TMED5: variants seen among roughly 807,000 people sequenced by gnomAD.
The protein encoded by TMED5 is transmembrane emp24 domain-containing protein 5.
A neutral mutation model predicts 23.0 loss-of-function variants in TMED5; 27 were observed. That is an observed-to-expected ratio of 1.17 (90% confidence interval 0.86 to 1.62). The LOEUF is 1.62. Among genes scored for constraint, TMED5 ranks in the 40% most tolerant of loss-of-function variants. The probability of loss-of-function intolerance (pLI) is 0.00; values close to 1 mark genes in which losing one functional copy is unlikely to be tolerated. For synonymous variants in TMED5, 97 were observed against 100.8 expected, an observed-to-expected ratio of 0.96 and a Z score of 0.23; for missense variants, 248 against 273.7, an observed-to-expected ratio of 0.91 and a Z score of 0.66.
At position 93,150,787 on chromosome 1, in the gene TMED5, A is replaced by G. The variant is rs558413725; in HGVS notation, c.*3883T>C. 1 of 152,274 alleles carries G rather than the reference A, an allele frequency of 6.6e-6. No homozygotes were observed. Among genetic ancestry groups the G allele is most frequent in the South Asian group, 2.1e-4 (1 of 4,822 alleles). 9.4% of individuals were successfully genotyped at this position (152,274 alleles called of 1,614,324 possible). A position where few individuals can be genotyped will look rare whatever the true frequency, so the allele number is the denominator to read the frequency against. ...CATTTGATCATTATTGCCACTTAAC[A>G]CTTCCAGGATTAGGGAGTAGTATCT... On this transcript the variant is annotated 3_prime_UTR_variant, in exon 4 of 4. Coordinates refer to ENST00000370282, the MANE Select transcript of TMED5 (RefSeq NM_016040.5).
chr1:93,176,524 C>CAT (rs1648919805), intron 1 of TMED5, among the ~76,000 whole-genome samples: 1 of 151,832 alleles, frequency 6.6e-6, no homozygotes, highest in South Asian at 2.1e-4. Context: ...CACACACACA[C>CAT]ACAAACATAT....
At chr1:93,177,715 A>G (rs553948228) in intron 1 of TMED5, among the ~76,000 whole-genome samples, 1 of 151,974 alleles carries the variant, frequency 6.6e-6, no homozygotes, top group South Asian at 2.1e-4. Context: ...TTCATTGATT[A>G]TTTACTATGT....
rs140287988 is a variant in TMED5, at chr1:93,180,072, C to T, written c.171G>A (p.Ser57=). The T allele has an allele frequency of 3.5e-5, 56 of 1,612,970 alleles. No homozygotes were observed. In the Admixed American group the frequency reaches 9.0e-4, roughly 26 times the overall value. Reference sequence around the variant, plus strand: ...CACTTACTTGGTACTCGATCTCCAGCGAGGCCTTCAGGGGCATGGGCTGGT... The same window carrying T: ...CACTTACTTGGTACTCGATCTCCAGTGAGGCCTTCAGGGGCATGGGCTGGT... ...CFYQPMPLKA[S]LEIEYQVLDG... The change falls in exon 1 of 4, where the codon TCG becomes TCA. Residue 57 remains serine (S), a synonymous_variant. Coordinates refer to ENST00000370282, the MANE Select transcript of TMED5 (RefSeq NM_016040.5).
chr1:93,170,428 C>G (rs986664432), intron 1 of TMED5, among the ~76,000 whole-genome samples: 1 of 152,186 alleles, frequency 6.6e-6, no homozygotes, highest in African/African-American at 2.4e-5. Flanking sequence ...CTGCTGTGCT[C>G]GATTTCTCGC....
intron 1 of TMED5, among the ~76,000 whole-genome samples, chr1:93,163,981 C>CAAA (rs564350861): frequency 3.5e-5 from 2 of 56,486 alleles, no homozygotes; most frequent in Non-Finnish European, 7.2e-5. Flanking sequence ...GACTCCATCT[C>CAAA]AAAAAAAAAA....
chr1:93,158,589 T>TC lies in TMED5; in HGVS notation c.287+1539_287+1540insG, dbSNP rs1440547855. 2.8e-3 allele frequency among the ~76,000 whole-genome samples: 425 copies of TC among 151,842 alleles called. 3 individuals carry two copies. Among genetic ancestry groups the TC allele is most frequent in the Non-Finnish European group, 2.9e-3 (199 of 67,894 alleles). ...AACTACATTTTTAGTTTTGTTTTTT[T>TC]TTTTGAGATGGAGTCTCTGTCGCCA... On this transcript the variant is annotated intron_variant, in intron 2 of 3. Coordinates refer to ENST00000370282, the MANE Select transcript of TMED5 (RefSeq NM_016040.5).
At chr1:93,171,686 G>A (rs1019442512) in intron 1 of TMED5, among the ~76,000 whole-genome samples, 9 of 152,108 alleles carry the variant, frequency 5.9e-5, no homozygotes, top group African/African-American at 1.7e-4. Flanking sequence ...AAAGGCTGAG[G>A]GAACAATTCT....
chr1:93,175,312 T>TACAC (rs1445362035), intron 1 of TMED5, among the ~76,000 whole-genome samples: 9 of 99,790 alleles, frequency 9.0e-5, no homozygotes, highest in African/African-American at 2.8e-4. Flanking sequence ...TATATATATA[T>TACAC]ATATACACAC....
In TMED5 at chr1:93,153,460, C is replaced by G. The variant is rs750869000; in HGVS notation, c.*1210G>C. ...ACATTTTATAAAATGTACCTGCTTA[C>G]AAAAATAATTCAAACCAGAATTCTT... On this transcript the variant is annotated 3_prime_UTR_variant, in exon 4 of 4. Transcript: ENST00000370282. 1.1e-4 allele frequency: 16 copies of G among 152,056 alleles called. No homozygotes were observed. Among genetic ancestry groups the G allele is most frequent in the Non-Finnish European group, 1.8e-4 (12 of 67,968 alleles). The allele number at this position is 152,056 out of a possible 1,614,324, so 9.4% of individuals were successfully genotyped here. A position where few individuals can be genotyped will look rare whatever the true frequency, so the allele number is the denominator to read the frequency against.
Position 93,150,216 on chromosome 1 carries a change from AGT to A in TMED5, c.*4452_*4453del, listed in dbSNP as rs1647823546. On this transcript the variant is annotated 3_prime_UTR_variant, in exon 4 of 4. Coordinates refer to ENST00000370282, the MANE Select transcript of TMED5 (RefSeq NM_016040.5). The stretch of plus-strand genomic sequence containing the variant: ...GAATGTTACAAAAACAGAATCATAC[AGT>A]GTGTAAAACTTTAGGATTGTCCCCC... The A allele has an allele frequency of 1.3e-5, 2 of 152,190 alleles. No homozygotes were observed. The highest frequency in any genetic ancestry group is 1.3e-4 in the Admixed American group (2 of 15,286). The allele number at this position is 152,190 out of a possible 1,614,324, so 9.4% of individuals were successfully genotyped here.
Position 93,161,940 on chromosome 1 carries a change from C to T in TMED5, c.190-1714G>A, listed in dbSNP as rs1314507686. 3 of 152,166 alleles carry T rather than the reference C, an allele frequency of 2.0e-5. 1 individual carries two copies. Among genetic ancestry groups the T allele is most frequent in the African/African-American group, 7.2e-5 (3 of 41,516 alleles). 9.4% of individuals were successfully genotyped at this position (152,166 alleles called of 1,614,324 possible). The stretch of plus-strand genomic sequence containing the variant: ...TTTAATAAATGCATCTTTTTATCAT[C>T]CTATACAAATTAAAGTGTCTCAGTG... On this transcript the variant is annotated intron_variant, in intron 1 of 3. Transcript: ENST00000370282.
Position 93,180,329 on chromosome 1 carries a change from CAG to C in TMED5, c.-89_-88del. 1 of 1,439,686 alleles carries C rather than the reference CAG, an allele frequency of 6.9e-7. No individual in the cohort carries two copies. Among genetic ancestry groups the C allele is most frequent in the South Asian group, 1.3e-5 (1 of 77,026 alleles). The allele number at this position is 1,439,686 out of a possible 1,614,324, so 89.2% of individuals were successfully genotyped here. A position where few individuals can be genotyped will look rare whatever the true frequency, so the allele number is the denominator to read the frequency against. On this transcript the variant is annotated 5_prime_UTR_variant, in exon 1 of 4. Transcript: ENST00000370282. ...TCCTCTCTGGACTCCTCGTGGTTGA[CAG>C]GGAAATCTGGAGTCTGAAGAAACTC...
In TMED5 at chr1:93,152,984, C is replaced by A. The variant is rs72715377; in HGVS notation, c.*1686G>T. 3,248 of 152,494 alleles carry A rather than the reference C, an allele frequency of 0.021. 64 individuals are homozygous for A. The highest frequency in any genetic ancestry group is 0.031 in the Non-Finnish European group (2,086 of 67,968). 9.4% of individuals were successfully genotyped at this position (152,494 alleles called of 1,614,324 possible). ...ATCTAAGCTGCTCTTCTCCCAGGGG[C>A]CTAAGAGGGAAATGTATCTCTTTTT... On this transcript the variant is annotated 3_prime_UTR_variant, in exon 4 of 4. Transcript: ENST00000370282.
chr1:93,179,549 G>C (rs1358599449), intron 1 of TMED5, among the ~76,000 whole-genome samples: 1 of 152,072 alleles, frequency 6.6e-6, no homozygotes, highest in Non-Finnish European at 1.5e-5. Context: ...TTTCAAAATC[G>C]GGCTTAATGC....
At chr1:93,157,999 C>T (rs60813039) in intron 2 of TMED5, among the ~76,000 whole-genome samples, 13,556 of 151,900 alleles carry the variant, frequency 0.089, 1,991 homozygotes, top group African/African-American at 0.31. Flanking sequence ...TGGCGGGCGC[C>T]TGTAGTCCCA....
chr1:93,178,708 A>G (rs1387809761), intron 1 of TMED5, among the ~76,000 whole-genome samples: 2 of 152,130 alleles, frequency 1.3e-5, no homozygotes, highest in Admixed American at 1.3e-4. Flanking sequence ...TTTGCTCACT[A>G]TGTGATTTTA....
intron 1 of TMED5, among the ~76,000 whole-genome samples, chr1:93,168,147 A>T (rs1375352696): frequency 6.6e-6 from 1 of 152,204 alleles, no homozygotes; most frequent in Non-Finnish European, 1.5e-5. Flanking sequence ...AATAAGTATA[A>T]TTGATATGTT....
Position 93,180,366 on chromosome 1 carries a change from GC to G in TMED5, c.-125del. On this transcript the variant is annotated 5_prime_UTR_variant, in exon 1 of 4. Transcript: ENST00000370282. ...GAGTCTGAAGAAACTCCAGGTGGCG[GC>G]CGCGGCGGCGGCGAACACTCCCTCC... The G allele has an allele frequency of 7.6e-7, 1 of 1,317,238 alleles. No individual in the cohort carries two copies. Among genetic ancestry groups the G allele is most frequent in the Non-Finnish European group, 1.0e-6 (1 of 971,164 alleles). The allele number at this position is 1,317,238 out of a possible 1,614,324, so 81.6% of individuals were successfully genotyped here. A position where few individuals can be genotyped will look rare whatever the true frequency, so the allele number is the denominator to read the frequency against.
At chr1:93,164,540 A>G (rs1648415735) in intron 1 of TMED5, among the ~76,000 whole-genome samples, 1 of 152,182 alleles carries the variant, frequency 6.6e-6, no homozygotes, top group African/African-American at 2.4e-5. Flanking sequence ...GAAAAAAACA[A>G]TATAAGTTCA....
Sources: allele counts gnomAD v4.1 joint callset (sites outside exome capture counted in the v4.1 genomes callset), GRCh38; gene constraint gnomAD v4.1.1; transcripts MANE v1.5; gene names NCBI Gene and HGNC (gene_info 2026-07-23, HGNC 2026-07-21).